The following CLUAP1 variants were observed in gnomAD, a reference collection of about 807,000 sequenced individuals.
CLUAP1 encodes clusterin-associated protein 1.
In CLUAP1, 50 loss-of-function variants were observed where a neutral mutation model predicts 55.0. That is an observed-to-expected ratio of 0.91 (90% confidence interval 0.72 to 1.15). The LOEUF is 1.15. CLUAP1 is among the 50% of genes most tolerant of loss of function. CLUAP1 has a pLI of 0.00. For synonymous variants in CLUAP1, 195 were observed against 175.4 expected (o/e 1.11, Z -0.88); for missense variants, 530 against 507.6 (o/e 1.04, Z -0.42).
Position 3,526,381 on chromosome 16 carries a change from C to T in CLUAP1, c.856-31C>T. The T allele has an allele frequency of 2.0e-6, 3 of 1,522,422 alleles. No homozygotes were observed. The South Asian group carries it at 3.6e-5, about 18-fold the overall frequency. The allele number at this position is 1,522,422 out of a possible 1,614,324, so 94.3% of individuals were successfully genotyped here. On this transcript the variant is annotated intron_variant, in intron 8 of 11. Transcript: ENST00000576634. ...ATAGAACAGTCCAGAAAAGGGCCAT[C>T]TCTCCTGAGTCTGTATTTCCTCTTC...
In CLUAP1 at chr16:3,529,796, ATAT is replaced by A. The variant is rs1307306330; in HGVS notation, c.929-765_929-763del. On this transcript the variant is annotated intron_variant, in intron 9 of 11. Coordinates refer to ENST00000576634, the MANE Select transcript of CLUAP1 (RefSeq NM_015041.3). ...TATTATATATTATATAATATATATT[ATAT>A]TATTATATATATATTATAATATAAT... Among the ~76,000 whole-genome samples, 124 of 61,648 alleles carry A rather than the reference ATAT, an allele frequency of 2.0e-3. 5 individuals carry two copies. The highest frequency in any genetic ancestry group is 8.1e-3 in the African/African-American group (115 of 14,134). 40.4% of individuals were successfully genotyped at this position (61,648 alleles called of 152,430 possible).
chr16:3,512,557 A>T, intron 5 of CLUAP1, 79 bp downstream of exon 5: 1 of 1,126,928 alleles, frequency 8.9e-7, no homozygotes, highest in South Asian at 1.3e-5. Context: ...CTCCCTTTTC[A>T]GTTCTGATTT....
intron 10 of CLUAP1, among the ~76,000 whole-genome samples, chr16:3,531,348 G>A (rs1596405617): frequency 6.6e-6 from 1 of 151,966 alleles, no homozygotes; most frequent in South Asian, 2.1e-4. Context: ...GTGAAACCCC[G>A]TCTCTACTAA....
chr16:3,504,593 GT>G (rs2037466820), intron 1 of CLUAP1, 126 bp from the exon 2 acceptor site: 1 of 615,060 alleles, frequency 1.6e-6, no homozygotes, highest in East Asian at 2.7e-5. Flanking sequence ...CTTGTAGAAA[GT>G]TGACAAATAG....
intron 2 of CLUAP1, 69 bp from the exon 3 acceptor site, chr16:3,506,262 G>T: frequency 8.0e-7 from 1 of 1,244,038 alleles, no homozygotes. Flanking sequence ...CCTCTCAGTT[G>T]CCCACATTCT....
intron 1 of CLUAP1, among the ~76,000 whole-genome samples, chr16:3,502,970 A>C (rs527324189): frequency 3.8e-4 from 58 of 152,152 alleles, no homozygotes; most frequent in African/African-American, 1.4e-3. Flanking sequence ...GTGTGAAGGA[A>C]AGGCTGCTGC....
chr16:3,533,006 G>C (rs1238398376), intron 11 of CLUAP1, 165 bp downstream of exon 11: 1 of 1,371,132 alleles, frequency 7.3e-7, no homozygotes, highest in African/African-American at 1.4e-5. Flanking sequence ...TGGACTCTTC[G>C]TTGCTCGTGG....
At chr16:3,521,740 T>A (rs574886336) in intron 7 of CLUAP1, among the ~76,000 whole-genome samples, 77 of 152,036 alleles carry the variant, frequency 5.1e-4, no homozygotes, top group Non-Finnish European at 7.7e-4. Flanking sequence ...CTGGCCTTTT[T>A]AAAAAATTTT....
chr16:3,499,519 A>G (rs1342543972), upstream of CLUAP1, among the ~76,000 whole-genome samples: 2 of 152,220 alleles, frequency 1.3e-5, no homozygotes, highest in African/African-American at 4.8e-5. Flanking sequence ...TTTAATATGC[A>G]CTTCTCTAAT....
chr16:3,529,774 T>A lies in CLUAP1; in HGVS notation c.929-794T>A, dbSNP rs1208317342. ...TATTATATAATATATATTATATTATTATATATTATATAATATATATTATAT... is the reference window on the plus strand; with the variant it reads ...TATTATATAATATATATTATATTATAATATATTATATAATATATATTATAT... On this transcript the variant is annotated intron_variant, in intron 9 of 11. Coordinates refer to ENST00000576634, the MANE Select transcript of CLUAP1 (RefSeq NM_015041.3). Among the ~76,000 whole-genome samples the A allele has an allele frequency of 7.2e-5, 4 of 55,874 alleles. No homozygotes were observed. In the South Asian group the frequency reaches 1.4e-3, roughly 19 times the overall value. 36.7% of individuals were successfully genotyped at this position (55,874 alleles called of 152,430 possible).
chr16:3,496,980 C>G (rs2037320857), upstream of CLUAP1, among the ~76,000 whole-genome samples: 1 of 151,630 alleles, frequency 6.6e-6, no homozygotes, highest in South Asian at 2.1e-4. Context: ...AAGAGCTTCT[C>G]CTGCCTCGGC....
intron 11 of CLUAP1, chr16:3,535,876 C>G (rs988659763): frequency 4.0e-6 from 2 of 498,026 alleles, no homozygotes; most frequent in Non-Finnish European, 7.2e-6. Context: ...TGCGGGAAAG[C>G]CAGCCCCTGC....
At chr16:3,513,525 C>T (rs971338788) in intron 5 of CLUAP1, among the ~76,000 whole-genome samples, 7 of 152,162 alleles carry the variant, frequency 4.6e-5, no homozygotes, top group Admixed American at 2.6e-4. Flanking sequence ...TCTCGGCTCA[C>T]TAAAACCTCC....
intron 9 of CLUAP1, 80 bp downstream of exon 9, chr16:3,526,564 T>C (rs907532356): frequency 7.7e-6 from 6 of 783,556 alleles, no homozygotes; most frequent in Admixed American, 8.3e-5. Flanking sequence ...GAGATATATA[T>C]ATATTTTTTA....
chr16:3,504,527 T>C (rs2151040837), intron 1 of CLUAP1, among the ~76,000 whole-genome samples, 193 bp from the exon 2 acceptor site: 1 of 152,368 alleles, frequency 6.6e-6, no homozygotes, highest in African/African-American at 2.4e-5. Context: ...AACTTAAATA[T>C]ATGCTTTTTA....
At chr16:3,513,433 G>T (rs2037670449) in intron 5 of CLUAP1, among the ~76,000 whole-genome samples, 1 of 152,050 alleles carries the variant, frequency 6.6e-6, no homozygotes, top group Non-Finnish European at 1.5e-5. Context: ...CTGGAGTGGT[G>T]TTTATTTTTT....
At chr16:3,518,290 C>T (rs1273444942) in intron 6 of CLUAP1, among the ~76,000 whole-genome samples, 1 of 152,154 alleles carries the variant, frequency 6.6e-6, no homozygotes, top group Admixed American at 6.5e-5. Flanking sequence ...CATGAATGTG[C>T]CCTTAGCACT....
chr16:3,504,189 C>T (rs1049376737), intron 1 of CLUAP1, among the ~76,000 whole-genome samples: 2 of 152,072 alleles, frequency 1.3e-5, no homozygotes, highest in African/African-American at 4.8e-5. Flanking sequence ...TCTCTAAATA[C>T]AAGGCGACTG....
intron 7 of CLUAP1, among the ~76,000 whole-genome samples, chr16:3,521,174 A>G (rs894802295): frequency 2.6e-5 from 4 of 152,018 alleles, no homozygotes; most frequent in African/African-American, 9.7e-5. Flanking sequence ...AGAGGGAAAA[A>G]AAAAAAAACA....
Sources: allele counts gnomAD v4.1 joint callset (sites outside exome capture counted in the v4.1 genomes callset), GRCh38; gene constraint gnomAD v4.1.1; transcripts MANE v1.5; gene names NCBI Gene and HGNC (gene_info 2026-07-23, HGNC 2026-07-21).